PPARGC1A: variants seen among roughly 807,000 people sequenced by gnomAD.
PPARGC1A encodes the protein PPARG coactivator 1 alpha, also known as peroxisome proliferator-activated receptor gamma coactivator 1-alpha.
In PPARGC1A, 25 loss-of-function variants were observed where a neutral mutation model predicts 88.7. The observed-to-expected ratio is 0.28, with a 90% CI of 0.21 to 0.39. PPARGC1A has a LOEUF of 0.39. PPARGC1A is among the 10% of genes least tolerant of loss of function. PPARGC1A has a pLI of 1.00. For missense variants in PPARGC1A, 880 were observed against 968.7 expected, an observed-to-expected ratio of 0.91 and a Z score of 1.22; for synonymous variants, 363 against 355.6, an observed-to-expected ratio of 1.02 and a Z score of -0.24.
intron 2 of PPARGC1A, among the ~76,000 whole-genome samples, chr4:23,843,173 T>G (rs1480220467): frequency 5.3e-5 from 8 of 152,154 alleles, no homozygotes; most frequent in Non-Finnish European, 1.2e-4. Context: ...GGAGTCTATT[T>G]TATTACATAG....
the PPARGC1A span, among the ~76,000 whole-genome samples, chr4:24,363,269 G>A: frequency 6.8e-6 from 1 of 147,108 alleles, no homozygotes; most frequent in East Asian, 2.0e-4. Flanking sequence ...TTTATTCAGA[G>A]ATCAGGCTCA....
At chr4:23,813,206 G>GTAATACAGTGTCCCAGA in intron 8 of PPARGC1A, 81 bp from the exon 9 acceptor site, 1 of 1,174,056 alleles carries the variant, frequency 8.5e-7, no homozygotes, top group Non-Finnish European at 1.3e-6. Flanking sequence ...AGCATCCTCT[G>GTAATACAGTGTCCCAGA]GGACACTGTA....
At chr4:24,442,499 C>A in the PPARGC1A span, among the ~76,000 whole-genome samples, 6 of 152,178 alleles carry the variant, frequency 3.9e-5, no homozygotes, top group Admixed American at 3.3e-4. Context: ...TTAAGATCAT[C>A]CATTTCATTC....
Position 23,877,071 on chromosome 4 carries a change from C to T in PPARGC1A, c.234+7681G>A, listed in dbSNP as rs190526401. Among the ~76,000 whole-genome samples the T allele has an allele frequency of 1.4e-3, 216 of 152,210 alleles. 1 individual carries two copies. Among genetic ancestry groups the T allele is most frequent in the Non-Finnish European group, 1.4e-3 (97 of 68,014 alleles). On this transcript the variant is annotated intron_variant, in intron 2 of 12. Transcript: ENST00000264867. ...ACAAATGGCTTAATGGATAAGAAGTCATTTAGCTTCAAACAACTCTGCCAT... is the reference window on the plus strand; with the variant it reads ...ACAAATGGCTTAATGGATAAGAAGTTATTTAGCTTCAAACAACTCTGCCAT...
the PPARGC1A span, among the ~76,000 whole-genome samples, chr4:24,050,636 C>T: frequency 6.6e-6 from 1 of 152,142 alleles, no homozygotes; most frequent in Non-Finnish European, 1.5e-5. Context: ...AGTCTGGCTT[C>T]CTTCTTCACA....
the PPARGC1A span, among the ~76,000 whole-genome samples, chr4:24,388,907 G>A: frequency 6.6e-6 from 1 of 152,064 alleles, no homozygotes; most frequent in African/African-American, 2.4e-5. Flanking sequence ...ACCATGGCAC[G>A]TGTATACTTA....
the PPARGC1A span, among the ~76,000 whole-genome samples, chr4:24,010,914 C>G: frequency 1.3e-5 from 2 of 152,082 alleles, no homozygotes; most frequent in Non-Finnish European, 2.9e-5. Flanking sequence ...GGCAGAGAGT[C>G]CCCGTGAGTG....
At chr4:23,828,711 A>G in intron 4 of PPARGC1A, 107 bp from the exon 5 acceptor site, 1 of 946,818 alleles carries the variant, frequency 1.1e-6, no homozygotes, top group East Asian at 2.5e-5. Flanking sequence ...GTTCAGTCTA[A>G]GTGTACTAGA....
intron 10 of PPARGC1A, among the ~76,000 whole-genome samples, chr4:23,811,300 A>G (rs2109430694): frequency 6.6e-6 from 1 of 150,762 alleles, no homozygotes; most frequent in Middle Eastern, 3.4e-3. Flanking sequence ...GTTTTTTTAA[A>G]GATAACACAT....
the PPARGC1A span, among the ~76,000 whole-genome samples, chr4:24,071,953 T>C: frequency 3.9e-5 from 6 of 152,080 alleles, 1 homozygote; most frequent in Non-Finnish European, 4.4e-5. Flanking sequence ...AGTTAAATGT[T>C]GAATGGCAGT....
chr4:23,937,611 CA>C, the PPARGC1A span, among the ~76,000 whole-genome samples: 347 of 152,100 alleles, frequency 2.3e-3, no homozygotes, highest in Non-Finnish European at 4.3e-3. Flanking sequence ...TTAAAATAAG[CA>C]AAATTTCTGC....
the PPARGC1A span, among the ~76,000 whole-genome samples, chr4:24,187,359 G>A: frequency 1.3e-5 from 2 of 152,172 alleles, no homozygotes; most frequent in Non-Finnish European, 2.9e-5. Context: ...GAGGAATTTG[G>A]TAATTTGCTC....
chr4:23,982,798 T>C, the PPARGC1A span, among the ~76,000 whole-genome samples: 1 of 152,196 alleles, frequency 6.6e-6, no homozygotes, highest in Non-Finnish European at 1.5e-5. Context: ...TTCAGTAAGA[T>C]AACGTCTGTA....
the PPARGC1A span, among the ~76,000 whole-genome samples, chr4:24,213,165 CTTT>C: frequency 5.3e-3 from 534 of 100,734 alleles, 6 homozygotes; most frequent in African/African-American, 0.014. Context: ...GATTATTTTC[CTTT>C]TTTTTTTTTT....
chr4:24,315,508 C>G, the PPARGC1A span, among the ~76,000 whole-genome samples: 2 of 152,286 alleles, frequency 1.3e-5, no homozygotes, highest in East Asian at 1.9e-4. Context: ...CAGAAGTGCA[C>G]CTGAGAGGTG....
chr4:24,245,274 C>T, the PPARGC1A span, among the ~76,000 whole-genome samples: 1 of 152,322 alleles, frequency 6.6e-6, no homozygotes, highest in South Asian at 2.1e-4. Context: ...GCCTGTGTGG[C>T]CCCAAGCTCA....
At chr4:23,835,384 A>G (rs1368403647) in intron 2 of PPARGC1A, among the ~76,000 whole-genome samples, 1 of 152,120 alleles carries the variant, frequency 6.6e-6, no homozygotes, top group Non-Finnish European at 1.5e-5. Context: ...ATCTGATTAA[A>G]CCACCAACTA....
At chr4:23,796,211 C>T (rs938902259) in intron 12 of PPARGC1A, among the ~76,000 whole-genome samples, 1 of 152,028 alleles carries the variant, frequency 6.6e-6, no homozygotes, top group Non-Finnish European at 1.5e-5. Context: ...CCCCTTCCCC[C>T]GACACGTCAA....
the PPARGC1A span, among the ~76,000 whole-genome samples, chr4:24,237,009 A>G: frequency 6.6e-6 from 1 of 152,170 alleles, no homozygotes; most frequent in African/African-American, 2.4e-5. Flanking sequence ...GAAATTATAG[A>G]TCTTATTATT....
Sources: gnomAD v4.1 joint callset for allele counts (sites outside exome capture counted in the v4.1 genomes callset) on GRCh38, gnomAD v4.1.1 for gene constraint, MANE v1.5 for transcripts, NCBI Gene and HGNC (gene_info 2026-07-23, HGNC 2026-07-21) for gene names.